The following AZIN2 variants were observed in gnomAD, a reference collection of about 807,000 sequenced individuals.
AZIN2 encodes ODC antizyme inhibitor-2.
Under a neutral mutation model 47.8 loss-of-function variants are expected in AZIN2, and 28 were observed. That is an observed-to-expected ratio of 0.59 (90% CI 0.43 to 0.80). The LOEUF (loss-of-function observed/expected upper bound fraction) is 0.80. AZIN2 is among the 30% of genes least tolerant of loss of function. The pLI is 0.00. For synonymous variants in AZIN2, 221 were observed against 239.4 expected (o/e 0.92, Z 0.71); for missense variants, 535 against 582.5 (o/e 0.92, Z 0.84).
Position 33,121,984 on chromosome 1 carries a change from T to C in AZIN2, c.*1802T>C, listed in dbSNP as rs560834936. Among the ~76,000 whole-genome samples the C allele has an allele frequency of 6.6e-6, 1 of 152,096 alleles. No individual in the cohort carries two copies. Among genetic ancestry groups the C allele is most frequent in the Non-Finnish European group, 1.5e-5 (1 of 68,014 alleles). ...TAGTTTTCGGTATCTTGACAATAAATAGGCTGAAAGCTTGGGACATCAAAA... is the reference window on the plus strand; with the variant it reads ...TAGTTTTCGGTATCTTGACAATAAACAGGCTGAAAGCTTGGGACATCAAAA... On this transcript the variant is annotated 3_prime_UTR_variant, in exon 12 of 12. Coordinates refer to ENST00000294517, the MANE Select transcript of AZIN2 (RefSeq NM_052998.4).
chr1:33,129,569 T>C, the AZIN2 span, among the ~76,000 whole-genome samples: 1 of 152,194 alleles, frequency 6.6e-6, no homozygotes, highest in Admixed American at 6.5e-5. The surrounding 1 kb of genome is among the most constrained non-coding windows in gnomAD (Gnocchi z 4.1). Context: ...CTCATAAATA[T>C]ATATAGTCTT....
the AZIN2 span, among the ~76,000 whole-genome samples, chr1:33,161,822 C>G: frequency 1.3e-5 from 2 of 152,300 alleles, no homozygotes; most frequent in East Asian, 3.9e-4. The surrounding 1 kb of genome is among the most constrained non-coding windows in gnomAD (Gnocchi z 4.3). Context: ...CCACCCTCTC[C>G]TAGTTGAAAG....
In AZIN2 at chr1:33,084,098, C is replaced by T; in HGVS notation, c.250C>T (p.Leu84=). The T allele has an allele frequency of 6.2e-7, 1 of 1,612,584 alleles. No individual in the cohort carries two copies. The highest frequency in any genetic ancestry group is 8.5e-7 in the Non-Finnish European group (1 of 1,180,038). The change falls in exon 5 of 12, where the codon CTG becomes TTG. Residue 84 remains leucine (L), a synonymous_variant. Coordinates refer to ENST00000294517, the MANE Select transcript of AZIN2 (RefSeq NM_052998.4). ...AGGTGTGCTGAAGGTTCTGGCCCAG[C>T]TGGGGCTGGGCTTTAGCTGTGCCAA... is the stretch of plus-strand genomic sequence containing the variant. The part of the protein sequence containing the change: ...SPGVLKVLAQ[L]GLGFSCANKA...
intron 10 of AZIN2, among the ~76,000 whole-genome samples, chr1:33,105,700 T>G (rs961063184): frequency 1.3e-5 from 2 of 152,182 alleles, no homozygotes; most frequent in Non-Finnish European, 2.9e-5. Flanking sequence ...GGGATTACAA[T>G]TCAAGATGAG....
Position 33,084,030 on chromosome 1 carries a change from C to T in AZIN2, c.182C>T (p.Pro61Leu), listed in dbSNP as rs1239183135. The T allele has an allele frequency of 6.2e-7, 1 of 1,614,184 alleles. No homozygotes were observed. Reference protein sequence around the residue: ...RKHFCFLKCLPRVRPFYAVKC... With the variant: ...RKHFCFLKCLLRVRPFYAVKC... Reference sequence around the variant, plus strand: ...CACTTTTGCTTTCTGAAGTGCCTGCCACGAGTCCGGCCCTTTTATGCTGTC... The same window carrying T: ...CACTTTTGCTTTCTGAAGTGCCTGCTACGAGTCCGGCCCTTTTATGCTGTC... The change falls in exon 5 of 12, where the codon CCA becomes CTA. Residue 61 changes from proline to leucine, a missense_variant. Around this residue, in one of 3 missense-constraint regions of AZIN2, gnomAD observed 409 missense variants for 429.0 expected, o/e 0.95. Coordinates refer to ENST00000294517, the MANE Select transcript of AZIN2 (RefSeq NM_052998.4).
At chr1:33,090,860 T>C (rs1642470162) in intron 5 of AZIN2, among the ~76,000 whole-genome samples, 14 of 152,232 alleles carry the variant, frequency 9.2e-5, no homozygotes, top group Admixed American at 9.2e-4. Flanking sequence ...CCCCTCGCCA[T>C]TGACCCGAGC....
the AZIN2 span, among the ~76,000 whole-genome samples, chr1:33,136,135 C>A: frequency 6.9e-6 from 1 of 144,638 alleles, no homozygotes; most frequent in Non-Finnish European, 1.5e-5. Context: ...TCCTTCCTTC[C>A]TTCCTTCCTT....
intron 10 of AZIN2, among the ~76,000 whole-genome samples, chr1:33,108,306 A>C (rs1644116908): frequency 6.6e-6 from 1 of 151,704 alleles, no homozygotes; most frequent in Non-Finnish European, 1.5e-5. Context: ...GCTATCTCAC[A>C]CCATATACAA....
chr1:33,143,234 G>A, the AZIN2 span: 1 of 152,132 alleles, frequency 6.6e-6, no homozygotes, highest in Non-Finnish European at 1.5e-5. Context: ...ATGCAAATTT[G>A]GCCTCTATAG....
At chr1:33,090,851 C>T (rs114773100) in intron 5 of AZIN2, among the ~76,000 whole-genome samples, 2,324 of 152,288 alleles carry the variant, frequency 0.015, 40 homozygotes, top group African/African-American at 0.035. Context: ...TCCCACTGCC[C>T]CCTCGCCATT....
At chr1:33,126,863 GTCTTAT>G (rs1330872692), downstream of AZIN2, among the ~76,000 whole-genome samples, 1 of 152,208 alleles carries the variant, frequency 6.6e-6, no homozygotes, top group Non-Finnish European at 1.5e-5. Flanking sequence ...ATTTGGGATA[GTCTTAT>G]ACTAAAGCAT....
intron 10 of AZIN2, among the ~76,000 whole-genome samples, chr1:33,111,839 G>C (rs1557716929): frequency 1.3e-5 from 2 of 152,056 alleles, no homozygotes; most frequent in Non-Finnish European, 2.9e-5. Context: ...TCCTGACCTT[G>C]TGATCCACCC....
intron 5 of AZIN2, among the ~76,000 whole-genome samples, chr1:33,091,177 T>C (rs1642507683): frequency 6.6e-6 from 1 of 152,232 alleles, no homozygotes; most frequent in Non-Finnish European, 1.5e-5. Context: ...ATATCTCTTT[T>C]ACATATTGAC....
intron 10 of AZIN2, among the ~76,000 whole-genome samples, chr1:33,099,562 C>G (rs1397522440): frequency 1.3e-5 from 2 of 152,184 alleles, no homozygotes; most frequent in African/African-American, 2.4e-5. Flanking sequence ...CATGCTGGCT[C>G]TCACCCACTC....
chr1:33,108,898 T>C (rs762121289), intron 10 of AZIN2, among the ~76,000 whole-genome samples: 5 of 152,234 alleles, frequency 3.3e-5, no homozygotes, highest in African/African-American at 7.2e-5. Flanking sequence ...AGGAGTACAA[T>C]TGCTGGATCA....
chr1:33,106,415 T>C (rs1313138764), intron 10 of AZIN2, among the ~76,000 whole-genome samples: 2 of 152,084 alleles, frequency 1.3e-5, no homozygotes, highest in Non-Finnish European at 2.9e-5. Flanking sequence ...CCAAACTCAT[T>C]TTACAAAACC....
intron 5 of AZIN2, among the ~76,000 whole-genome samples, chr1:33,086,043 G>A (rs1414826940): frequency 3.3e-5 from 5 of 152,206 alleles, no homozygotes; most frequent in Non-Finnish European, 7.3e-5. Flanking sequence ...GAGGAGCTTG[G>A]TTCTGTAGAA....
At chr1:33,158,595 C>A in the AZIN2 span, among the ~76,000 whole-genome samples, 1 of 152,204 alleles carries the variant, frequency 6.6e-6, no homozygotes, top group African/African-American at 2.4e-5. Context: ...GCCTTCTAGG[C>A]TTTTTGTGAG....
chr1:33,156,561 C>A, the AZIN2 span, among the ~76,000 whole-genome samples: 1 of 152,180 alleles, frequency 6.6e-6, no homozygotes, highest in South Asian at 2.1e-4. Context: ...CTGGGTCCCC[C>A]TCTTGTCCCT....
Sources: gnomAD v4.1 joint callset for allele counts (sites outside exome capture counted in the v4.1 genomes callset) on GRCh38, gnomAD v4.1.1 for gene constraint, gnomAD v4.1.1 regional missense constraint, Gnocchi (gnomAD v3.1) non-coding constraint, MANE v1.5 for transcripts, NCBI Gene and HGNC (gene_info 2026-07-23, HGNC 2026-07-21) for gene names.